Variants in NAV2 observed in about 807,000 individuals in gnomAD.
The protein encoded by NAV2 is neuron navigator 2.
Under a neutral mutation model 223.2 loss-of-function variants are expected in NAV2, and 54 were observed. That is an observed-to-expected ratio of 0.24 (90% CI 0.19 to 0.30). The LOEUF (loss-of-function observed/expected upper bound fraction) is 0.30. NAV2 is among the 10% of genes least tolerant of loss of function. NAV2 has a pLI of 1.00. For synonymous variants in NAV2, 1,279 were observed against 1,239.3 expected, an observed-to-expected ratio of 1.03 and a Z score of -0.67; for missense variants, 2,806 against 3,147.5, an observed-to-expected ratio of 0.89 and a Z score of 2.60.
chr11:19,723,162 G>T (rs993582068), intron 1 of NAV2, among the ~76,000 whole-genome samples: 33 of 152,220 alleles, frequency 2.2e-4, no homozygotes, highest in Admixed American at 9.8e-4. Context: ...TTAGGAAAGG[G>T]AGAAGGTTTA....
chr11:19,964,248 C>T (rs180792065), intron 10 of NAV2, among the ~76,000 whole-genome samples: 7 of 152,228 alleles, frequency 4.6e-5, no homozygotes, highest in Non-Finnish European at 7.4e-5. Flanking sequence ...GAAGCTGACA[C>T]GGACGTTACA....
chr11:19,777,667 C>A, intron 1 of NAV2: 1 of 404,830 alleles, frequency 2.5e-6, no homozygotes, highest in Admixed American at 2.6e-5. Flanking sequence ...TGTTTTGAAG[C>A]TAGATCTCAG....
upstream of NAV2, among the ~76,000 whole-genome samples, chr11:19,710,295 A>G (rs2152304563): frequency 6.6e-6 from 1 of 152,318 alleles, no homozygotes; most frequent in South Asian, 2.1e-4. Flanking sequence ...TGATCTTTAG[A>G]ACACCAGCAT....
Position 20,105,711 on chromosome 11 carries a change from C to T in NAV2, c.6825C>T (p.Ser2275=), listed in dbSNP as rs763230641. 6.2e-6 allele frequency: 10 copies of T among 1,612,318 alleles called. No individual in the cohort carries two copies. Among genetic ancestry groups the T allele is most frequent in the Middle Eastern group, 3.9e-4 (2 of 5,140 alleles). ...HLNRFLEAHS[S]SDVTIGPRLF... ...ACCGCTTCCTGGAGGCTCACAGTTC[C>T]TCGGACGTCACCATCGGTGGGTGGG... The change falls in exon 35 of 38, where the codon TCC becomes TCT. Residue 2275 remains serine, a synonymous_variant. Transcript: ENST00000349880.
intron 6 of NAV2, among the ~76,000 whole-genome samples, chr11:19,912,055 C>T (rs1007223393): frequency 3.3e-5 from 5 of 152,216 alleles, no homozygotes; most frequent in African/African-American, 1.2e-4. Context: ...TGAATTTCTA[C>T]TAGGTTACAT....
At chr11:19,424,293 A>C (rs933263851) in intron 1 of NAV2, among the ~76,000 whole-genome samples, 1 of 152,172 alleles carries the variant, frequency 6.6e-6, no homozygotes, top group African/African-American at 2.4e-5. Context: ...AAAGATTACT[A>C]GTTCTCTAAG....
intron 1 of NAV2, among the ~76,000 whole-genome samples, chr11:19,623,226 T>G (rs1251835101): frequency 6.6e-6 from 1 of 152,228 alleles, no homozygotes; most frequent in Non-Finnish European, 1.5e-5. Flanking sequence ...CTTTGGTGAA[T>G]CTGACAATTA....
At chr11:19,941,074 G>A (rs1280827989) in intron 8 of NAV2, among the ~76,000 whole-genome samples, 1 of 152,110 alleles carries the variant, frequency 6.6e-6, no homozygotes, top group Non-Finnish European at 1.5e-5. Context: ...GGAGCAGTGT[G>A]GATTCCTGTC....
In NAV2 at chr11:20,045,435, G is replaced by A. The variant is rs775292259; in HGVS notation, c.3667G>A (p.Ala1223Thr). The change falls in exon 14 of 38, where the codon GCA becomes ACA. Residue 1223 changes from alanine (A) to threonine (T), a missense_variant. Around this residue, in one of 4 missense-constraint regions of NAV2, gnomAD observed 742 missense variants for 777.9 expected, o/e 0.95. Transcript: ENST00000349880. ...AGATTCCAACATTAGCAGCAAGTCC[G>A]CAGGCCTGCCAGTGCCCAAACTGAG... ...SIDSNISSKSAGLPVPKLREP... is the reference protein window; with the variant it reads ...SIDSNISSKSTGLPVPKLREP... 8.1e-5 allele frequency: 130 copies of A among 1,614,054 alleles called. No individual in the cohort carries two copies. The highest frequency in any genetic ancestry group is 1.1e-4 in the Non-Finnish European group (124 of 1,180,036).
intron 6 of NAV2, among the ~76,000 whole-genome samples, chr11:19,932,703 T>C (rs1374209856): frequency 6.6e-6 from 1 of 152,242 alleles, no homozygotes; most frequent in Admixed American, 6.5e-5. Flanking sequence ...AATTATTCTT[T>C]TTTAAAGATT....
chr11:19,836,543 G>A (rs1437123138), intron 2 of NAV2, among the ~76,000 whole-genome samples: 5 of 136,944 alleles, frequency 3.7e-5, no homozygotes, highest in East Asian at 4.4e-4. Flanking sequence ...CGGCCTGGGC[G>A]ACAGAGCGAG....
intron 1 of NAV2, among the ~76,000 whole-genome samples, chr11:19,746,939 C>T (rs1023290378): frequency 8.6e-5 from 13 of 151,808 alleles, no homozygotes; most frequent in African/African-American, 2.2e-4. Flanking sequence ...ATGTGCACAA[C>T]GTGCAGGTTA....
At chr11:20,023,531 C>T (rs2054709152) in intron 11 of NAV2, among the ~76,000 whole-genome samples, 1 of 152,082 alleles carries the variant, frequency 6.6e-6, no homozygotes, top group African/African-American at 2.4e-5. Context: ...GACTTTTCAG[C>T]TGGTGGGGGC....
intron 3 of NAV2, among the ~76,000 whole-genome samples, chr11:19,843,458 A>G (rs1037264837): frequency 5.3e-5 from 8 of 152,250 alleles, no homozygotes; most frequent in African/African-American, 1.9e-4. Context: ...GGCATGATGC[A>G]TTTAAGTTCT....
chr11:19,882,694 C>G (rs537585408), intron 5 of NAV2, among the ~76,000 whole-genome samples: 1 of 152,212 alleles, frequency 6.6e-6, no homozygotes, highest in Non-Finnish European at 1.5e-5. Flanking sequence ...CTACTACTAA[C>G]GAGTGCTTTA....
intron 1 of NAV2, among the ~76,000 whole-genome samples, chr11:19,644,212 G>T (rs1211376937): frequency 6.6e-6 from 1 of 152,204 alleles, no homozygotes; most frequent in Non-Finnish European, 1.5e-5. Context: ...TGGGGAAAAG[G>T]TGTTTCATAT....
At chr11:19,359,884 C>T (rs1853832302) in intron 1 of NAV2, among the ~76,000 whole-genome samples, 1 of 152,150 alleles carries the variant, frequency 6.6e-6, no homozygotes, top group African/African-American at 2.4e-5. Context: ...TCCCAATACT[C>T]TTCCTCCACT....
In NAV2 at chr11:19,793,603, T is replaced by G. The variant is rs928685586; in HGVS notation, c.268-38881T>G. ...TCCAGTAGCCTGGGCTTCCTGCTTC[T>G]GCTCCCAGCCCTGCCTCTCTGTTCA... On this transcript the variant is annotated intron_variant, in intron 1 of 37. Coordinates refer to ENST00000349880, the MANE Select transcript of NAV2 (RefSeq NM_145117.5). 1.3e-4 allele frequency among the ~76,000 whole-genome samples: 20 copies of G among 152,220 alleles called. 1 individual carries two copies. Among genetic ancestry groups the G allele is most frequent in the Non-Finnish European group, 2.9e-4 (20 of 68,038 alleles).
At chr11:19,714,800 T>C (rs1167597674) in intron 1 of NAV2, among the ~76,000 whole-genome samples, 2 of 152,188 alleles carry the variant, frequency 1.3e-5, no homozygotes, top group Non-Finnish European at 2.9e-5. Flanking sequence ...GCAATCTCTT[T>C]TACAGAAATT....
Sources: gnomAD v4.1 joint callset for allele counts (sites outside exome capture counted in the v4.1 genomes callset) on GRCh38, gnomAD v4.1.1 for gene constraint, gnomAD v4.1.1 regional missense constraint, MANE v1.5 for transcripts, NCBI Gene and HGNC (gene_info 2026-07-23, HGNC 2026-07-21) for gene names.